Variants in ROBO1 observed in about 807,000 individuals in gnomAD.
The protein encoded by ROBO1 is roundabout guidance receptor 1, also known as roundabout homolog 1.
ROBO1 carries 149 observed loss-of-function variants against 195.9 expected under a neutral mutation model. The ratio of observed to expected loss-of-function variants is 0.76; its 90% CI spans 0.67 to 0.87. The LOEUF (loss-of-function observed/expected upper bound fraction) is 0.87, where lower values mean the gene tolerates loss of function less well. Among genes scored for constraint, ROBO1 ranks in the 40% least tolerant of loss-of-function variants. The probability of loss-of-function intolerance (pLI) is 0.00; values close to 1 mark genes in which losing one functional copy is unlikely to be tolerated. For synonymous variants in ROBO1, 816 were observed against 733.2 expected (o/e 1.11, Z -1.82); for missense variants, 1,933 against 2,068.3 (o/e 0.93, Z 1.27).
chr3:79,267,288 G>T (rs1325025860), intron 2 of ROBO1, among the ~76,000 whole-genome samples: 1 of 151,448 alleles, frequency 6.6e-6, no homozygotes, highest in Non-Finnish European at 1.5e-5. Flanking sequence ...CAGCTTGAAT[G>T]ACTCTCTATT....
chr3:79,397,458 T>C (rs2037198929), intron 2 of ROBO1, among the ~76,000 whole-genome samples: 2 of 152,116 alleles, frequency 1.3e-5, no homozygotes, highest in Non-Finnish European at 2.9e-5. Context: ...GCAAAGCATC[T>C]AAAAAGAATC....
intron 2 of ROBO1, among the ~76,000 whole-genome samples, chr3:79,385,520 T>A (rs997174080): frequency 3.9e-5 from 6 of 152,102 alleles, no homozygotes; most frequent in Non-Finnish European, 7.4e-5. Flanking sequence ...GTGTTATCTT[T>A]CCGCAAGACC....
At chr3:78,675,393 C>A (rs1708351661) in intron 10 of ROBO1, among the ~76,000 whole-genome samples, 1 of 152,126 alleles carries the variant, frequency 6.6e-6, no homozygotes, top group African/African-American at 2.4e-5. Flanking sequence ...CGCAAGGGGT[C>A]AGGGAGTTCC....
intron 2 of ROBO1, among the ~76,000 whole-genome samples, chr3:79,219,518 G>A (rs1190821634): frequency 2.0e-5 from 3 of 151,928 alleles, no homozygotes; most frequent in Admixed American, 6.6e-5. Flanking sequence ...AGTATGACCC[G>A]TAAACCTCTC....
At chr3:79,214,506 T>C (rs1005403250) in intron 2 of ROBO1, among the ~76,000 whole-genome samples, 2 of 152,018 alleles carry the variant, frequency 1.3e-5, no homozygotes, top group Non-Finnish European at 2.9e-5. Context: ...ACTGACCTTA[T>C]AGTATTGTAA....
intron 2 of ROBO1, among the ~76,000 whole-genome samples, chr3:79,147,297 C>T (rs1383549598): frequency 6.6e-6 from 1 of 151,936 alleles, no homozygotes; most frequent in African/African-American, 2.4e-5. Context: ...TCAGAAGGTA[C>T]TTTCTGTTTG....
chr3:79,497,798 C>CTTT (rs1575918745), intron 2 of ROBO1, among the ~76,000 whole-genome samples: 1 of 151,982 alleles, frequency 6.6e-6, no homozygotes, highest in African/African-American at 2.4e-5. Flanking sequence ...TCTTTTAAAA[C>CTTT]GGTAAGTACT....
intron 2 of ROBO1, among the ~76,000 whole-genome samples, chr3:79,382,089 G>A (rs2109378137): frequency 6.6e-6 from 1 of 152,190 alleles, no homozygotes; most frequent in South Asian, 2.1e-4. Context: ...CAGGGATGAA[G>A]ATAAAGCACG....
At chr3:79,308,012 C>T (rs2033302317) in intron 2 of ROBO1, among the ~76,000 whole-genome samples, 2 of 152,104 alleles carry the variant, frequency 1.3e-5, no homozygotes, top group South Asian at 4.1e-4. Context: ...AATATTTCTA[C>T]AATCTGTGGC....
intron 2 of ROBO1, among the ~76,000 whole-genome samples, chr3:79,401,545 A>G (rs2037366468): frequency 6.6e-6 from 1 of 151,912 alleles, no homozygotes; most frequent in Admixed American, 6.6e-5. Context: ...AGGAAGGGAT[A>G]GGGCTTCTTA....
intron 4 of ROBO1, among the ~76,000 whole-genome samples, chr3:78,933,043 AAAG>A (rs2039616343): frequency 6.6e-6 from 1 of 152,264 alleles, no homozygotes; most frequent in Admixed American, 6.5e-5. Flanking sequence ...TTAAACAGAA[AAAG>A]AAGAAGCTAA....
At chr3:78,874,574 C>T (rs995101433) in intron 4 of ROBO1, among the ~76,000 whole-genome samples, 2 of 151,798 alleles carry the variant, frequency 1.3e-5, no homozygotes, top group Admixed American at 1.3e-4. Context: ...TCTTTGAAAA[C>T]TTTATGTCAT....
At chr3:78,747,891 C>G (rs776204622) in intron 4 of ROBO1, among the ~76,000 whole-genome samples, 2 of 152,122 alleles carry the variant, frequency 1.3e-5, no homozygotes, top group Non-Finnish European at 2.9e-5. Flanking sequence ...GTCTTAAATA[C>G]AACTCTGTTG....
chr3:79,571,252 A>C (rs1187584961), intron 2 of ROBO1, among the ~76,000 whole-genome samples: 1 of 152,118 alleles, frequency 6.6e-6, no homozygotes, highest in Non-Finnish European at 1.5e-5. Flanking sequence ...AAATCCCTGC[A>C]TATCTAGGGC....
At chr3:79,266,636 C>G (rs180676326) in intron 2 of ROBO1, among the ~76,000 whole-genome samples, 1 of 151,628 alleles carries the variant, frequency 6.6e-6, no homozygotes, top group Admixed American at 6.6e-5. Context: ...AATATTAACA[C>G]AAACTGTTAC....
At chr3:79,312,459 C>G (rs1267796958) in intron 2 of ROBO1, among the ~76,000 whole-genome samples, 1 of 152,168 alleles carries the variant, frequency 6.6e-6, no homozygotes, top group African/African-American at 2.4e-5. Context: ...AGAGCAACTA[C>G]TGAGAGATAA....
intron 2 of ROBO1, among the ~76,000 whole-genome samples, chr3:79,459,766 A>C (rs767801222): frequency 6.6e-6 from 1 of 152,124 alleles, no homozygotes; most frequent in Non-Finnish European, 1.5e-5. Context: ...TCACTATTTT[A>C]AAAAGCAATA....
At chr3:78,662,318 G>GAGAA (rs1489068894) in intron 14 of ROBO1, among the ~76,000 whole-genome samples, 1 of 151,680 alleles carries the variant, frequency 6.6e-6, no homozygotes, top group Non-Finnish European at 1.5e-5. Context: ...AGAGAGTAGA[G>GAGAA]AGAACGCAGA....
At chr3:79,581,108 G>A (rs748877836) in intron 2 of ROBO1, among the ~76,000 whole-genome samples, 2 of 152,030 alleles carry the variant, frequency 1.3e-5, no homozygotes, top group Non-Finnish European at 2.9e-5. Flanking sequence ...AGTGTCTCTG[G>A]AAATAGTTTT....
Sources: gnomAD v4.1 joint callset for allele counts (sites outside exome capture counted in the v4.1 genomes callset) on GRCh38, gnomAD v4.1.1 for gene constraint, MANE v1.5 for transcripts, NCBI Gene and HGNC (gene_info 2026-07-23, HGNC 2026-07-21) for gene names.